Variants in EPHB1 observed in about 807,000 individuals in gnomAD.
EPHB1 encodes the protein EPH receptor B1.
In EPHB1, 30 loss-of-function variants were observed where a neutral mutation model predicts 94.4. That is an observed-to-expected ratio of 0.32 (90% confidence interval 0.24 to 0.43). The LOEUF (loss-of-function observed/expected upper bound fraction) is 0.43. Ranked by LOEUF, EPHB1 falls within the 20% of genes least tolerant of loss-of-function variation. EPHB1 has a pLI of 1.00. For synonymous variants in EPHB1, 522 were observed against 489.1 expected (o/e 1.07, Z -0.89); for missense variants, 1,055 against 1,308.3 (o/e 0.81, Z 2.99).
At chr3:135,208,404 G>A (rs950228378) in intron 12 of EPHB1, among the ~76,000 whole-genome samples, 2 of 151,754 alleles carry the variant, frequency 1.3e-5, no homozygotes, top group African/African-American at 4.8e-5. Flanking sequence ...TAGAAAAATA[G>A]CCTGGCTTTT....
chr3:134,836,223 G>A (rs545797782), intron 1 of EPHB1, among the ~76,000 whole-genome samples: 1 of 152,156 alleles, frequency 6.6e-6, no homozygotes, highest in Non-Finnish European at 1.5e-5. Context: ...TTCTCAGACT[G>A]ATTTGACAGC....
At chr3:135,110,042 T>C (rs1939379591) in intron 4 of EPHB1, among the ~76,000 whole-genome samples, 1 of 152,146 alleles carries the variant, frequency 6.6e-6, no homozygotes, top group African/African-American at 2.4e-5. Flanking sequence ...TAATTTCTAG[T>C]TTACTGGGGG....
At chr3:134,882,823 T>TC (rs1578167638) in intron 1 of EPHB1, among the ~76,000 whole-genome samples, 4 of 26,826 alleles carry the variant, frequency 1.5e-4, no homozygotes, top group African/African-American at 2.8e-4. Flanking sequence ...TCTTTCTTTC[T>TC]TTTCTTTCTT....
Position 135,259,174 on chromosome 3 carries a change from G to A in EPHB1, c.*54G>A, listed in dbSNP as rs987535706. 1.4e-6 allele frequency: 2 copies of A among 1,400,856 alleles called. No homozygotes were observed. Among genetic ancestry groups the A allele is most frequent in the Admixed American group, 1.9e-5 (1 of 51,356 alleles). The allele number at this position is 1,400,856 out of a possible 1,614,324, so 86.8% of individuals were successfully genotyped here. ...AGGGAAAAGGACCAGGGTCAAGGGG[G>A]ACCAGAGGTTGACCACTGTGGAATG... On this transcript the variant is annotated 3_prime_UTR_variant, in exon 16 of 16. Transcript: ENST00000398015.
chr3:135,253,148 C>G (rs1933203957), intron 15 of EPHB1, among the ~76,000 whole-genome samples: 1 of 149,256 alleles, frequency 6.7e-6, no homozygotes, highest in Non-Finnish European at 1.5e-5. Context: ...AAAATTTTCT[C>G]CCATTTTGTA....
At chr3:135,154,560 A>G (rs541321081) in intron 6 of EPHB1, among the ~76,000 whole-genome samples, 1 of 152,288 alleles carries the variant, frequency 6.6e-6, no homozygotes, top group East Asian at 1.9e-4. Context: ...TTCCAGTCAC[A>G]TGTTTGATAT....
intron 1 of EPHB1, among the ~76,000 whole-genome samples, chr3:134,909,284 A>C (rs2038405070): frequency 6.6e-6 from 1 of 152,214 alleles, no homozygotes; most frequent in African/African-American, 2.4e-5. Context: ...AAGGAAAGGG[A>C]ATCCCAAGGA....
chr3:135,190,647 C>G (rs1232184809), intron 10 of EPHB1, among the ~76,000 whole-genome samples: 3 of 152,068 alleles, frequency 2.0e-5, no homozygotes, highest in Non-Finnish European at 4.4e-5. Flanking sequence ...ATAAGTTAAG[C>G]TATTGTAGTG....
At chr3:135,176,767 C>G (rs896806317) in intron 9 of EPHB1, among the ~76,000 whole-genome samples, 4 of 152,176 alleles carry the variant, frequency 2.6e-5, no homozygotes, top group Admixed American at 2.6e-4. Flanking sequence ...AACTCAGAAT[C>G]CTTTCCCATT....
chr3:135,200,877 G>C (rs771863434), intron 11 of EPHB1, among the ~76,000 whole-genome samples: 25 of 152,186 alleles, frequency 1.6e-4, no homozygotes, highest in Middle Eastern at 3.2e-3. Flanking sequence ...TCGATTGTTG[G>C]AGGGAAAACA....
intron 1 of EPHB1, among the ~76,000 whole-genome samples, chr3:134,858,460 T>C (rs1216831640): frequency 6.6e-6 from 1 of 152,152 alleles, no homozygotes; most frequent in Non-Finnish European, 1.5e-5. Context: ...ATATGGGGTC[T>C]CATTGATGGC....
intron 5 of EPHB1, among the ~76,000 whole-genome samples, chr3:135,147,232 G>A (rs1005212743): frequency 5.3e-5 from 8 of 152,140 alleles, no homozygotes; most frequent in Middle Eastern, 3.2e-3. Flanking sequence ...TATGGTCTGT[G>A]CTATAGATCA....
chr3:135,160,306 C>A (rs753566520), intron 6 of EPHB1, among the ~76,000 whole-genome samples: 1 of 152,174 alleles, frequency 6.6e-6, no homozygotes, highest in South Asian at 2.1e-4. Context: ...ATATTTTAAA[C>A]AATGGGAATT....
intron 1 of EPHB1, among the ~76,000 whole-genome samples, chr3:134,907,405 T>A (rs1189797020): frequency 6.6e-6 from 1 of 152,212 alleles, no homozygotes; most frequent in Non-Finnish European, 1.5e-5. Flanking sequence ...GGGCCCAAAG[T>A]GCTTGGTGAA....
intron 6 of EPHB1, among the ~76,000 whole-genome samples, chr3:135,157,595 G>A (rs1213608529): frequency 1.3e-5 from 2 of 152,194 alleles, no homozygotes; most frequent in East Asian, 1.9e-4. Flanking sequence ...CACTCCAGAG[G>A]AGAGAATGCT....
rs557684021 is a variant in EPHB1 at position 135,067,471 on chromosome 3, G to A, written c.806-38977G>A. 5.3e-5 allele frequency: 8 copies of A among 152,360 alleles called. No individual in the cohort carries two copies. In the East Asian group the frequency reaches 1.2e-3, roughly 22 times the overall value. 9.4% of individuals were successfully genotyped at this position (152,360 alleles called of 1,614,324 possible). On this transcript the variant is annotated intron_variant, in intron 3 of 15. Transcript: ENST00000398015. ...GAGTCATGCAGGTTGTCAGGGAAGT[G>A]GGGGAGAGCTGGCAGTCACAGGCCT...
At chr3:134,964,330 T>C (rs1293837617) in intron 3 of EPHB1, among the ~76,000 whole-genome samples, 2 of 152,168 alleles carry the variant, frequency 1.3e-5, no homozygotes, top group African/African-American at 4.8e-5. Context: ...TTGTCCAATA[T>C]AGTGACACAT....
intron 3 of EPHB1, among the ~76,000 whole-genome samples, chr3:135,039,218 C>T (rs1264222902): frequency 6.6e-6 from 1 of 152,164 alleles, no homozygotes; most frequent in Non-Finnish European, 1.5e-5. Context: ...CACGTCCTCA[C>T]CAGAGCAGCT....
chr3:134,971,740 A>G (rs1044656222), intron 3 of EPHB1, among the ~76,000 whole-genome samples: 2 of 152,108 alleles, frequency 1.3e-5, no homozygotes, highest in African/African-American at 4.8e-5. Context: ...CTGCTCTTTG[A>G]TTATCTCTGA....
Sources: gnomAD v4.1 joint callset for allele counts (sites outside exome capture counted in the v4.1 genomes callset) on GRCh38, gnomAD v4.1.1 for gene constraint, MANE v1.5 for transcripts, NCBI Gene and HGNC (gene_info 2026-07-23, HGNC 2026-07-21) for gene names.